SYT9: variants seen among roughly 807,000 people sequenced by gnomAD.
SYT9 encodes synaptotagmin-9.
Under a neutral mutation model 48.4 loss-of-function variants are expected in SYT9, and 22 were observed. The ratio of observed to expected loss-of-function variants is 0.45; its 90% CI spans 0.32 to 0.65. The LOEUF (loss-of-function observed/expected upper bound fraction) is 0.65. Ranked by LOEUF, SYT9 falls within the 30% of genes least tolerant of loss-of-function variation. The probability of loss-of-function intolerance (pLI) is 0.03; values close to 1 mark genes in which losing one functional copy is unlikely to be tolerated. For synonymous variants in SYT9, 265 were observed against 245.0 expected (o/e 1.08, Z -0.76); for missense variants, 577 against 622.0 (o/e 0.93, Z 0.77).
chr11:7,303,617 A>G (rs1214182839), intron 2 of SYT9, among the ~76,000 whole-genome samples: 2 of 152,246 alleles, frequency 1.3e-5, no homozygotes, highest in African/African-American at 4.8e-5. Flanking sequence ...GAAGTACTCT[A>G]TAAGAACTTT....
chr11:7,243,299 TA>T (rs1318781015), intron 1 of SYT9, among the ~76,000 whole-genome samples: 2 of 152,228 alleles, frequency 1.3e-5, no homozygotes, highest in Non-Finnish European at 2.9e-5. Context: ...GTTCACTAAA[TA>T]AACTTTTAAT....
chr11:7,463,188 A>C (rs568667659), intron 6 of SYT9, among the ~76,000 whole-genome samples: 1 of 152,214 alleles, frequency 6.6e-6, no homozygotes, highest in East Asian at 1.9e-4. Context: ...CTGCCCATGG[A>C]AATGGGGCTG....
chr11:7,247,156 T>C (rs1022077478), upstream of SYT9, among the ~76,000 whole-genome samples: 15 of 152,190 alleles, frequency 9.9e-5, no homozygotes, highest in Admixed American at 9.8e-4. Flanking sequence ...GGTTACATGA[T>C]TAAATTCTTT....
intron 2 of SYT9, among the ~76,000 whole-genome samples, chr11:7,307,822 G>T (rs575466430): frequency 1.4e-4 from 22 of 152,220 alleles, no homozygotes; most frequent in African/African-American, 5.3e-4. Context: ...GTGAACAAAG[G>T]CTCATCTTAG....
upstream of SYT9, among the ~76,000 whole-genome samples, chr11:7,247,539 A>G (rs1462912329): frequency 6.7e-6 from 1 of 148,774 alleles, no homozygotes; most frequent in Non-Finnish European, 1.5e-5. Flanking sequence ...ATACATATAT[A>G]TACACGTATA....
At chr11:7,259,304 ATTG>A (rs1158925687) in intron 1 of SYT9, among the ~76,000 whole-genome samples, 1 of 152,044 alleles carries the variant, frequency 6.6e-6, no homozygotes, top group African/African-American at 2.4e-5. Context: ...CGTAATTATT[ATTG>A]TTGTGATGAC....
At chr11:7,427,187 G>A (rs1158837409) in intron 6 of SYT9, 1 of 152,224 alleles carries the variant, frequency 6.6e-6, no homozygotes, top group Admixed American at 6.5e-5. Context: ...GGAGTACACA[G>A]TAGAAGTCAG....
chr11:7,267,597 A>C (rs1470916575), intron 1 of SYT9, among the ~76,000 whole-genome samples: 1 of 151,954 alleles, frequency 6.6e-6, no homozygotes, highest in East Asian at 1.9e-4. Context: ...TCTAGATGAC[A>C]ATTTCTAATT....
At chr11:7,340,294 A>G (rs1357981354) in intron 3 of SYT9, among the ~76,000 whole-genome samples, 1 of 152,126 alleles carries the variant, frequency 6.6e-6, no homozygotes, top group African/African-American at 2.4e-5. Context: ...TCTTGAGATG[A>G]GTTTGCCATT....
At chr11:7,453,154 C>CCTTA (rs1428186632) in intron 6 of SYT9, among the ~76,000 whole-genome samples, 1 of 151,934 alleles carries the variant, frequency 6.6e-6, no homozygotes, top group African/African-American at 2.4e-5. Flanking sequence ...ACTTTGGGTG[C>CCTTA]CTAAGGCGGA....
intron 3 of SYT9, among the ~76,000 whole-genome samples, chr11:7,407,380 T>TGTACATGAGAAGCCATAGG (rs1453648920): frequency 7.3e-5 from 5 of 68,404 alleles, no homozygotes; most frequent in African/African-American, 6.4e-4. Flanking sequence ...TTTTTTTTTT[T>TGTACATGAGAAGCCATAGG]TTTTTTTTTT....
At chr11:7,290,245 CTT>C (rs1412793940) in intron 1 of SYT9, among the ~76,000 whole-genome samples, 1 of 152,222 alleles carries the variant, frequency 6.6e-6, no homozygotes, top group African/African-American at 2.4e-5. Context: ...AGGAGAGACT[CTT>C]TTAAAGTTAA....
rs1590014500 is a variant in SYT9, at chr11:7,417,988, T to C, written c.1197T>C (p.Asp399=). The C allele has an allele frequency of 1.2e-6, 2 of 1,614,148 alleles. No individual in the cohort carries two copies. Among genetic ancestry groups the C allele is most frequent in the East Asian group, 2.2e-5 (1 of 44,884 alleles). The stretch of plus-strand genomic sequence containing the variant: ...ATGTGAAAGTCTCGCTGATGTGTGA[T>C]GGCAGACGACTGAAGAAGAGGAAAA... ...DPYVKVSLMC[D]GRRLKKRKTS... is the part of the protein sequence containing the mutation. Residue 399 remains aspartate (D), a synonymous_variant, in exon 5 of 7, where the codon GAT becomes GAC. Transcript: ENST00000318881.
intron 1 of SYT9, among the ~76,000 whole-genome samples, chr11:7,266,575 C>T (rs1253924412): frequency 1.3e-5 from 2 of 152,110 alleles, no homozygotes; most frequent in Non-Finnish European, 1.5e-5. Flanking sequence ...AAAACTGCAG[C>T]TCTTTTCGAT....
At chr11:7,314,193 C>G (rs2035639) in intron 3 of SYT9, 302,554 of 607,858 alleles carry the variant, frequency 0.5, 80,857 homozygotes, top group Non-Finnish European at 0.58. Flanking sequence ...AGATTCTTAG[C>G]TAGCCCCTAA....
intron 1 of SYT9, among the ~76,000 whole-genome samples, chr11:7,302,625 A>T (rs1254184134): frequency 6.6e-6 from 1 of 152,250 alleles, no homozygotes; most frequent in Non-Finnish European, 1.5e-5. Flanking sequence ...CAATTATATT[A>T]TACAGCTCTC....
At position 7,330,443 on chromosome 11, in the gene SYT9, G is replaced by A. The variant is rs1321907606; in HGVS notation, c.1044+16502G>A. Among the ~76,000 whole-genome samples, 3 of 152,204 alleles carry A rather than the reference G, an allele frequency of 2.0e-5. No homozygotes were observed. In the East Asian group the frequency reaches 5.8e-4, roughly 29 times the overall value. Reference sequence around the variant, plus strand: ...ATATGAGGGAATTGAGGGGTTGGGAGGAGGTGAAACTGCAAATCAAAGATA... The same window carrying A: ...ATATGAGGGAATTGAGGGGTTGGGAAGAGGTGAAACTGCAAATCAAAGATA... On this transcript the variant is annotated intron_variant, in intron 3 of 6. Coordinates refer to ENST00000318881, the MANE Select transcript of SYT9 (RefSeq NM_175733.4).
intron 3 of SYT9, among the ~76,000 whole-genome samples, chr11:7,356,174 A>T (rs1850016964): frequency 6.6e-6 from 1 of 152,224 alleles, no homozygotes; most frequent in Non-Finnish European, 1.5e-5. Flanking sequence ...CAGTCAAAAA[A>T]CGGTGATGAT....
chr11:7,366,253 C>G (rs1294387008), intron 3 of SYT9, among the ~76,000 whole-genome samples: 1 of 152,198 alleles, frequency 6.6e-6, no homozygotes, highest in Non-Finnish European at 1.5e-5. Flanking sequence ...GACTATTATT[C>G]TAACCTCCCG....
Sources: gnomAD v4.1 joint callset for allele counts (sites outside exome capture counted in the v4.1 genomes callset) on GRCh38, gnomAD v4.1.1 for gene constraint, MANE v1.5 for transcripts, NCBI Gene and HGNC (gene_info 2026-07-23, HGNC 2026-07-21) for gene names.